The following DKK3 variants were observed in gnomAD, a reference collection of about 807,000 sequenced individuals.
The protein encoded by DKK3 is dickkopf Wnt signaling pathway inhibitor 3.
In DKK3, 22 loss-of-function variants were observed where a neutral mutation model predicts 33.2. That is an observed-to-expected ratio of 0.66 (90% CI 0.47 to 0.95). The LOEUF (loss-of-function observed/expected upper bound fraction) is 0.95. Among genes scored for constraint, DKK3 ranks in the 40% least tolerant of loss-of-function variants. DKK3 has a pLI of 0.00. For missense variants in DKK3, 398 were observed against 458.4 expected, an observed-to-expected ratio of 0.87 and a Z score of 1.20; for synonymous variants, 194 against 188.8, an observed-to-expected ratio of 1.03 and a Z score of -0.23.
chr11:12,009,118 G>C (rs1052038991), upstream of DKK3: 1 of 984,594 alleles, frequency 1.0e-6, no homozygotes. Context: ...CATCCACCAA[G>C]AGAGGCTGAG....
chr11:11,969,127 G>A (rs750905513), intron 3 of DKK3, among the ~76,000 whole-genome samples: 1 of 152,188 alleles, frequency 6.6e-6, no homozygotes, highest in South Asian at 2.1e-4. Context: ...TGGAGAAACA[G>A]GGAGAGAAGG....
intron 1 of DKK3, among the ~76,000 whole-genome samples, chr11:12,005,012 T>C (rs1341743956): frequency 6.6e-6 from 1 of 152,176 alleles, no homozygotes; most frequent in Admixed American, 6.5e-5. Flanking sequence ...CAGTTACCAC[T>C]CTGGTTAGTG....
At chr11:11,982,133 G>C (rs1232442593) in intron 3 of DKK3, among the ~76,000 whole-genome samples, 2 of 152,180 alleles carry the variant, frequency 1.3e-5, no homozygotes, top group Non-Finnish European at 2.9e-5. Context: ...CAGACATCTG[G>C]AGCTGCCTCT....
In DKK3 at chr11:11,972,869, G is replaced by A. The variant is rs377149366; in HGVS notation, c.436-4382C>T. Among the ~76,000 whole-genome samples, 6 of 148,354 alleles carry A rather than the reference G, an allele frequency of 4.0e-5. No homozygotes were observed. In the South Asian group the frequency reaches 8.8e-4, roughly 22 times the overall value. On this transcript the variant is annotated intron_variant, in intron 3 of 6. Coordinates refer to ENST00000683431, the MANE Select transcript of DKK3 (RefSeq NM_001018057.2). ...AAATAAGAGGCCTGGGAGGGAAGGC[G>A]GGGGCTCTGGGCTTTTTAAAGGGGC...
At position 11,995,621 on chromosome 11, in the gene DKK3, T is replaced by C. The variant is rs188595703; in HGVS notation, c.435+3075A>G. 2.9e-3 allele frequency among the ~76,000 whole-genome samples: 448 copies of C among 152,356 alleles called. 2 individuals carry two copies. Among genetic ancestry groups the C allele is most frequent in the African/African-American group, 0.01 (430 of 41,588 alleles). On this transcript the variant is annotated intron_variant, in intron 3 of 6. Transcript: ENST00000683431. Reference sequence around the variant, plus strand: ...GGCTAATTGGGCCAGACTCTTCCTATGTGGGGACACAGTTCCATAAATAAA... The same window carrying C: ...GGCTAATTGGGCCAGACTCTTCCTACGTGGGGACACAGTTCCATAAATAAA...
chr11:12,007,007 G>A (rs963890319), intron 1 of DKK3, among the ~76,000 whole-genome samples: 2 of 152,166 alleles, frequency 1.3e-5, no homozygotes, highest in Non-Finnish European at 2.9e-5. Flanking sequence ...ATTGCTCCAT[G>A]TCATGATTGT....
rs181392126 is a variant in DKK3, at chr11:12,007,334, C to T, written c.213+1036G>A. On this transcript the variant is annotated intron_variant, in intron 1 of 6. Transcript: ENST00000683431. ...CTGGACATTGGTTTCCTGCTGCCTCCTTCACTAGGACGGCTGGCTCCTCTC... is the reference window on the plus strand; with the variant it reads ...CTGGACATTGGTTTCCTGCTGCCTCTTTCACTAGGACGGCTGGCTCCTCTC... Among the ~76,000 whole-genome samples the T allele has an allele frequency of 2.0e-3, 310 of 152,312 alleles. 2 individuals are homozygous for T. The highest frequency in any genetic ancestry group is 3.2e-3 in the Non-Finnish European group (220 of 68,026).
At chr11:11,967,772 G>A (rs1847633858) in intron 4 of DKK3, among the ~76,000 whole-genome samples, 1 of 152,246 alleles carries the variant, frequency 6.6e-6, no homozygotes, top group South Asian at 2.1e-4. Context: ...TGGGTGAAGA[G>A]TCTCCTTTGC....
upstream of DKK3, chr11:12,008,664 G>A: frequency 2.7e-6 from 3 of 1,100,872 alleles, no homozygotes; most frequent in African/African-American, 2.0e-5. This position sits in a 1 kb window ranked among gnomAD's most constrained non-coding sequence, Gnocchi z 4.6. Context: ...CGCTGGGCCC[G>A]CCGCCCCGCC....
intron 4 of DKK3, 120 bp from the exon 5 acceptor site, chr11:11,967,218 G>T: frequency 7.9e-7 from 1 of 1,258,696 alleles, no homozygotes; most frequent in Non-Finnish European, 1.1e-6. Flanking sequence ...GAGACAGGCA[G>T]ACCAGGCTGA....
chr11:11,998,766 T>C lies in DKK3; in HGVS notation c.365A>G (p.Gln122Arg). 1 of 1,614,108 alleles carries C rather than the reference T, an allele frequency of 6.2e-7. No homozygotes were observed. Among genetic ancestry groups the C allele is most frequent in the Non-Finnish European group, 8.5e-7 (1 of 1,179,914 alleles). Residue 122 changes from glutamine to arginine, a missense_variant, in exon 3 of 7, where the codon CAG becomes CGG. Transcript: ENST00000683431. ...HREIHKITNN[Q>R]TGQMVFSETV... ...CTCTGAAAAGACCATTTGTCCAGTC[T>C]GGTTGTTGGTTATCTACAGTAAAAC...
chr11:11,964,355 C>CTGGGAAGAAGATG lies in DKK3; in HGVS notation c.*96_*108dup, dbSNP rs991645745. 4 of 1,397,522 alleles carry CTGGGAAGAAGATG rather than the reference C, an allele frequency of 2.9e-6. No homozygotes were observed. The African/African-American group carries it at 5.7e-5, about 20-fold the overall frequency. The allele number at this position is 1,397,522 out of a possible 1,614,324, so 86.6% of individuals were successfully genotyped here. ...GCTGTCAAGCCAGAGGGGAAACTTA[C>CTGGGAAGAAGATG]TGGGAAGAAGATGTAGGAAGAAGCC... On this transcript the variant is annotated 3_prime_UTR_variant, in exon 7 of 7. Transcript: ENST00000683431.
At chr11:12,008,719 C>T, upstream of DKK3, 1 of 1,210,054 alleles carries the variant, frequency 8.3e-7, no homozygotes, top group South Asian at 3.9e-5. The surrounding 1 kb of genome is among the most constrained non-coding windows in gnomAD (Gnocchi z 4.6). Flanking sequence ...CTTTCCCGCA[C>T]CCGCCCGGAG....
At chr11:11,985,805 TTC>T (rs1848058027) in intron 3 of DKK3, among the ~76,000 whole-genome samples, 2 of 152,338 alleles carry the variant, frequency 1.3e-5, no homozygotes, top group Middle Eastern at 6.8e-3. Context: ...TGAATATTTG[TTC>T]TCTTTCCTTC....
At chr11:11,997,989 C>T (rs1848335134) in intron 3 of DKK3, among the ~76,000 whole-genome samples, 1 of 152,196 alleles carries the variant, frequency 6.6e-6, no homozygotes, top group African/African-American at 2.4e-5. Context: ...GGCCACTCCT[C>T]AGCAGGCGTG....
intron 3 of DKK3, among the ~76,000 whole-genome samples, chr11:11,977,339 C>A (rs963974661): frequency 6.6e-6 from 1 of 152,024 alleles, no homozygotes; most frequent in Admixed American, 6.5e-5. Context: ...CCTCTGGGAG[C>A]CTTCTCTCTT....
At chr11:12,001,717 T>G (rs1434313338) in intron 2 of DKK3, 1 of 152,304 alleles carries the variant, frequency 6.6e-6, no homozygotes, top group East Asian at 1.9e-4. Context: ...TGGTTGTTCT[T>G]CATGCATGAT....
At chr11:12,006,597 A>G (rs1848540777) in intron 1 of DKK3, among the ~76,000 whole-genome samples, 1 of 152,168 alleles carries the variant, frequency 6.6e-6, no homozygotes. Context: ...CAACCCCCCA[A>G]CCTACACAGA....
chr11:12,002,150 T>C, intron 2 of DKK3, 150 bp downstream of exon 2: 3 of 869,538 alleles, frequency 3.5e-6, no homozygotes, highest in Non-Finnish European at 5.0e-6. Context: ...AACAGTAACA[T>C]TACTCCTTCT....
Sources: allele counts gnomAD v4.1 joint callset (sites outside exome capture counted in the v4.1 genomes callset), GRCh38; gene constraint gnomAD v4.1.1; non-coding constraint Gnocchi (gnomAD v3.1); transcripts MANE v1.5; gene names NCBI Gene and HGNC (gene_info 2026-07-23, HGNC 2026-07-21).